The following NTM variants were observed in gnomAD, a reference collection of about 807,000 sequenced individuals.
NTM encodes IgLON family member 2.
In NTM, 13 loss-of-function variants were observed where a neutral mutation model predicts 42.1. The observed-to-expected ratio is 0.31, with a 90% CI of 0.20 to 0.49. The LOEUF (loss-of-function observed/expected upper bound fraction) is 0.49, where lower values mean the gene tolerates loss of function less well. Among genes scored for constraint, NTM ranks in the 20% least tolerant of loss-of-function variants. The pLI is 0.99. For missense variants in NTM, 373 were observed against 452.8 expected (o/e 0.82, Z 1.60); for synonymous variants, 187 against 179.2 (o/e 1.04, Z -0.35).
intron 1 of NTM, among the ~76,000 whole-genome samples, chr11:131,672,470 AC>A (rs2070492130): frequency 6.6e-6 from 1 of 152,072 alleles, no homozygotes; most frequent in African/African-American, 2.4e-5. Flanking sequence ...CGCATCAGAC[AC>A]CCCGACAGCT....
intron 2 of NTM, among the ~76,000 whole-genome samples, chr11:131,912,886 T>G (rs1050120117): frequency 7.2e-5 from 11 of 152,192 alleles, no homozygotes; most frequent in Non-Finnish European, 1.5e-4. Flanking sequence ...GGAGGCAATG[T>G]CAATACAGAG....
At chr11:132,138,428 G>T (rs2068377306) in intron 2 of NTM, among the ~76,000 whole-genome samples, 1 of 152,114 alleles carries the variant, frequency 6.6e-6, no homozygotes, top group Non-Finnish European at 1.5e-5. Context: ...AAATAAAGCA[G>T]GAAGTCACAG....
intron 2 of NTM, among the ~76,000 whole-genome samples, chr11:132,046,911 G>A (rs2078096734): frequency 6.6e-6 from 1 of 151,952 alleles, no homozygotes; most frequent in South Asian, 2.1e-4. Flanking sequence ...CTATCACCTG[G>A]TTATTCTCTC....
chr11:131,972,258 C>T (rs2063667384), intron 2 of NTM, among the ~76,000 whole-genome samples: 1 of 151,672 alleles, frequency 6.6e-6, no homozygotes. Context: ...AATAAAGTTA[C>T]CTTCTTCATA....
intron 1 of NTM, among the ~76,000 whole-genome samples, chr11:131,837,506 G>T (rs966874178): frequency 3.3e-5 from 5 of 152,226 alleles, no homozygotes; most frequent in African/African-American, 1.2e-4. Context: ...ATCTAATTGG[G>T]TCCTCATTGA....
Position 132,146,218 on chromosome 11 carries a change from C to G in NTM, c.168-64C>G. On this transcript the variant is annotated intron_variant, in intron 2 of 8. Transcript: ENST00000683400. The surrounding 1 kb of genome is among the most constrained non-coding windows in gnomAD (Gnocchi z 4.5). ...AGATATTCTAGCCTTGCCATGAGGA[C>G]CTCCCTCTGATGGCTGCTGTCGTCT... 1.9e-6 allele frequency: 3 copies of G among 1,590,472 alleles called. No individual in the cohort carries two copies. Among genetic ancestry groups the G allele is most frequent in the Non-Finnish European group, 2.6e-6 (3 of 1,166,398 alleles).
At chr11:131,879,972 A>T (rs1302159437) in intron 1 of NTM, among the ~76,000 whole-genome samples, 1 of 152,162 alleles carries the variant, frequency 6.6e-6, no homozygotes, top group Non-Finnish European at 1.5e-5. Flanking sequence ...TTTTGCTTTT[A>T]CCACCTTCAA....
chr11:132,287,729 GA>G (rs1432356659), intron 4 of NTM, among the ~76,000 whole-genome samples: 1 of 152,154 alleles, frequency 6.6e-6, no homozygotes, highest in Admixed American at 6.5e-5. Flanking sequence ...TTCTGATAGA[GA>G]AAGAAAAAAT....
chr11:131,936,419 A>C (rs2059222204), intron 2 of NTM, among the ~76,000 whole-genome samples: 1 of 152,130 alleles, frequency 6.6e-6, no homozygotes, highest in Non-Finnish European at 1.5e-5. Context: ...GCATCACTAA[A>C]TTCTGGGTTA....
intron 3 of NTM, among the ~76,000 whole-genome samples, chr11:132,204,958 C>T (rs951072778): frequency 1.3e-5 from 2 of 152,188 alleles, no homozygotes; most frequent in Non-Finnish European, 2.9e-5. Flanking sequence ...CTGGGTTGGA[C>T]ATTCATGCAC....
At chr11:132,243,832 G>A (rs2139258604) in intron 4 of NTM, among the ~76,000 whole-genome samples, 1 of 152,294 alleles carries the variant, frequency 6.6e-6, no homozygotes, top group Non-Finnish European at 1.5e-5. Flanking sequence ...CTATGCAGCT[G>A]GCATATTGGC....
intron 1 of NTM, chr11:131,534,041 T>A: frequency 6.6e-6 from 1 of 152,590 alleles, no homozygotes; most frequent in East Asian, 1.9e-4. Flanking sequence ...TAATGGCTCC[T>A]CTGGGGTCTG....
At chr11:131,753,185 A>T (rs1196245152) in intron 1 of NTM, among the ~76,000 whole-genome samples, 1 of 152,186 alleles carries the variant, frequency 6.6e-6, no homozygotes, top group Non-Finnish European at 1.5e-5. Context: ...TCAAAACAAC[A>T]ATGAGATACC....
chr11:131,476,804 A>G (rs776340715), intron 1 of NTM, among the ~76,000 whole-genome samples: 51 of 148,844 alleles, frequency 3.4e-4, no homozygotes, highest in South Asian at 1.4e-3. Flanking sequence ...TAGGCGGAAA[A>G]GCTCTCTAAT....
chr11:132,265,468 C>T (rs953744568), intron 4 of NTM, among the ~76,000 whole-genome samples: 1 of 152,190 alleles, frequency 6.6e-6, no homozygotes, highest in Non-Finnish European at 1.5e-5. Flanking sequence ...CCAGAAACAA[C>T]CCAAACTCTC....
chr11:131,557,081 C>T (rs926484639), intron 1 of NTM, among the ~76,000 whole-genome samples: 3 of 151,830 alleles, frequency 2.0e-5, no homozygotes, highest in Admixed American at 6.6e-5. Context: ...AACAGTGTGT[C>T]ATGACAGCCA....
At position 132,225,168 on chromosome 11, in the gene NTM, C is replaced by G. The variant is rs116412308; in HGVS notation, c.526+13021C>G. Among the ~76,000 whole-genome samples the G allele has an allele frequency of 8.6e-3, 1,312 of 152,222 alleles. 13 individuals carry two copies. Among genetic ancestry groups the G allele is most frequent in the African/African-American group, 0.03 (1,239 of 41,520 alleles). Reference sequence around the variant, plus strand: ...AGATATTTATTGAGTAGCTAAAGCACAACAGTGTATACTTAGGTGCTGCAG... The same window carrying G: ...AGATATTTATTGAGTAGCTAAAGCAGAACAGTGTATACTTAGGTGCTGCAG... On this transcript the variant is annotated intron_variant, in intron 4 of 8. Coordinates refer to ENST00000683400, the MANE Select transcript of NTM (RefSeq NM_001352005.2).
chr11:131,751,126 T>G (rs779962227), intron 1 of NTM, among the ~76,000 whole-genome samples: 1 of 152,152 alleles, frequency 6.6e-6, no homozygotes, highest in Non-Finnish European at 1.5e-5. Flanking sequence ...CTCAGTGTGA[T>G]CTATTTATTT....
At chr11:131,505,103 C>T (rs1274623065) in intron 1 of NTM, among the ~76,000 whole-genome samples, 1 of 122,530 alleles carries the variant, frequency 8.2e-6, no homozygotes, top group Non-Finnish European at 1.7e-5. Flanking sequence ...TGGGAAGTCA[C>T]GAATCTCTGA....
Sources: gnomAD v4.1 joint callset for allele counts (sites outside exome capture counted in the v4.1 genomes callset) on GRCh38, gnomAD v4.1.1 for gene constraint, Gnocchi (gnomAD v3.1) non-coding constraint, MANE v1.5 for transcripts, NCBI Gene and HGNC (gene_info 2026-07-23, HGNC 2026-07-21) for gene names.